The following RUNDC3B variants were observed in gnomAD, a reference collection of about 807,000 sequenced individuals.
RUNDC3B encodes RUN domain containing 3B, also known as RUN domain-containing protein 3B.
Under a neutral mutation model 58.4 loss-of-function variants are expected in RUNDC3B, and 33 were observed. The observed-to-expected ratio is 0.56, with a 90% CI of 0.43 to 0.75. RUNDC3B has a LOEUF of 0.75. RUNDC3B is among the 30% of genes least tolerant of loss of function. The probability of loss-of-function intolerance (pLI) is 0.00; values close to 1 mark genes in which losing one functional copy is unlikely to be tolerated. For missense variants in RUNDC3B, 501 were observed against 535.7 expected (o/e 0.94, Z 0.64); for synonymous variants, 193 against 195.2 (o/e 0.99, Z 0.10).
At position 87,742,647 on chromosome 7, in the gene RUNDC3B, T is replaced by A. The variant is rs977765700; in HGVS notation, c.629+1068T>A. 2.6e-5 allele frequency among the ~76,000 whole-genome samples: 4 copies of A among 152,140 alleles called. No homozygotes were observed. In the East Asian group the frequency reaches 7.7e-4, roughly 29 times the overall value. ...ATCATGGTTTTTTTAATTGAGAAAA[T>A]GAGCTTTTATTTGTCTATAATTTAT... On this transcript the variant is annotated intron_variant, in intron 6 of 10. Coordinates refer to ENST00000394654, the MANE Select transcript of RUNDC3B (RefSeq NM_001134405.2).
intron 1 of RUNDC3B, among the ~76,000 whole-genome samples, chr7:87,648,750 AT>A (rs1426235270): frequency 6.6e-6 from 1 of 152,132 alleles, no homozygotes; most frequent in African/African-American, 2.4e-5. Context: ...TTTGACAAAA[AT>A]TTATAAAGGT....
At chr7:87,825,697 G>A (rs1191957408) in intron 10 of RUNDC3B, among the ~76,000 whole-genome samples, 4 of 152,186 alleles carry the variant, frequency 2.6e-5, no homozygotes, top group East Asian at 3.9e-4. Context: ...AGCCGGAAGC[G>A]AGGCTGTACT....
In RUNDC3B at chr7:87,803,324, G is replaced by A. The variant is rs117332166; in HGVS notation, c.957-4049G>A. Among the ~76,000 whole-genome samples the A allele has an allele frequency of 1.0e-3, 154 of 152,138 alleles. 4 individuals are homozygous for A. The East Asian group carries it at 0.028, about 28-fold the overall frequency. ...CTCCATTTTTCAGTTGAGAAGTTTT[G>A]GGTTTATAAATCCACAGTATTTTGA... On this transcript the variant is annotated intron_variant, in intron 8 of 10. Transcript: ENST00000394654.
intron 4 of RUNDC3B, among the ~76,000 whole-genome samples, chr7:87,719,132 TAAAATC>T (rs1191129397): frequency 2.0e-5 from 3 of 151,390 alleles, no homozygotes; most frequent in Non-Finnish European, 4.4e-5. Flanking sequence ...TAATAACACA[TAAAATC>T]AATATTCAAC....
At chr7:87,675,653 C>CAAAAAAAAAAAAA (rs200136132) in intron 2 of RUNDC3B, among the ~76,000 whole-genome samples, 4 of 65,842 alleles carry the variant, frequency 6.1e-5, no homozygotes, top group South Asian at 1.0e-3. Flanking sequence ...TATTCACATG[C>CAAAAAAAAAAAAA]AAAAAAAAAA....
intron 1 of RUNDC3B, among the ~76,000 whole-genome samples, chr7:87,638,327 AAGTT>A (rs1251909078): frequency 6.8e-6 from 1 of 146,212 alleles, no homozygotes; most frequent in Non-Finnish European, 1.5e-5. Flanking sequence ...TTTATAAAAC[AAGTT>A]AGGAAGTATG....
chr7:87,661,061 CTTTA>C (rs913962116), intron 2 of RUNDC3B, among the ~76,000 whole-genome samples: 12 of 151,516 alleles, frequency 7.9e-5, no homozygotes, highest in Admixed American at 3.9e-4. Flanking sequence ...CATTTTTTGG[CTTTA>C]TTTATTGATA....
At chr7:87,684,630 C>T (rs1025055388) in intron 2 of RUNDC3B, among the ~76,000 whole-genome samples, 4 of 151,534 alleles carry the variant, frequency 2.6e-5, no homozygotes, top group Admixed American at 1.3e-4. Flanking sequence ...TGCCTGTAGC[C>T]CCAGCTACGC....
At chr7:87,707,174 T>A (rs1451657201) in intron 3 of RUNDC3B, among the ~76,000 whole-genome samples, 9 of 152,126 alleles carry the variant, frequency 5.9e-5, no homozygotes, top group African/African-American at 2.2e-4. Flanking sequence ...TCATACAGAA[T>A]GTCTAGTATA....
rs549626095 is a variant in RUNDC3B, at chr7:87,757,638, A to G, written c.630-12943A>G. On this transcript the variant is annotated intron_variant, in intron 6 of 10. Coordinates refer to ENST00000394654, the MANE Select transcript of RUNDC3B (RefSeq NM_001134405.2). ...TATTTGCTGTCAAAATACCAATGAC[A>G]TTCTTCACAGAAATAGAAAAAATTA... is the stretch of plus-strand genomic sequence containing the variant. Among the ~76,000 whole-genome samples the G allele has an allele frequency of 2.0e-5, 3 of 152,304 alleles. No individual in the cohort carries two copies. The East Asian group carries it at 5.8e-4, about 29-fold the overall frequency.
In RUNDC3B at chr7:87,727,545, G is replaced by A. The variant is rs545915769; in HGVS notation, c.459-12246G>A. ...GTTAAGTTATTCATTTTTATGAGTA[G>A]GCAAATTAAATACCTGATTGCATGC... On this transcript the variant is annotated intron_variant, in intron 4 of 10. Transcript: ENST00000394654. Among the ~76,000 whole-genome samples, 14 of 151,932 alleles carry A rather than the reference G, an allele frequency of 9.2e-5. 1 individual carries two copies. Among genetic ancestry groups the A allele is most frequent in the African/African-American group, 3.1e-4 (13 of 41,430 alleles).
chr7:87,828,634 C>A (rs1000141390), intron 10 of RUNDC3B, among the ~76,000 whole-genome samples: 1 of 152,068 alleles, frequency 6.6e-6, no homozygotes. Context: ...CTGATGGGCT[C>A]CTAGGTTGAT....
intron 2 of RUNDC3B, among the ~76,000 whole-genome samples, chr7:87,651,435 G>A (rs1275857967): frequency 1.3e-5 from 2 of 151,946 alleles, no homozygotes; most frequent in Admixed American, 1.3e-4. Context: ...ACAATTTAAA[G>A]GGGAACTTGG....
At chr7:87,660,743 T>G (rs1001626742) in intron 2 of RUNDC3B, among the ~76,000 whole-genome samples, 1 of 151,980 alleles carries the variant, frequency 6.6e-6, no homozygotes, top group Non-Finnish European at 1.5e-5. Flanking sequence ...TTGGCTAAAT[T>G]TATGTTTGAG....
At chr7:87,798,135 C>G (rs1457481681) in intron 8 of RUNDC3B, among the ~76,000 whole-genome samples, 6 of 152,220 alleles carry the variant, frequency 3.9e-5, no homozygotes, top group Non-Finnish European at 5.9e-5. Context: ...TCAACCCCAG[C>G]ATCCTCAACC....
At chr7:87,706,338 C>G (rs1006906602) in intron 3 of RUNDC3B, among the ~76,000 whole-genome samples, 1 of 151,750 alleles carries the variant, frequency 6.6e-6, no homozygotes, top group Admixed American at 6.6e-5. Flanking sequence ...TTTATAAGAT[C>G]AGCTTGGTGC....
At chr7:87,696,028 C>T (rs965605416) in intron 2 of RUNDC3B, among the ~76,000 whole-genome samples, 2 of 152,060 alleles carry the variant, frequency 1.3e-5, no homozygotes, top group African/African-American at 4.8e-5. Flanking sequence ...CCATTTGTTT[C>T]TGTGCCTAAA....
intron 2 of RUNDC3B, among the ~76,000 whole-genome samples, chr7:87,672,247 A>T (rs1419289697): frequency 2.0e-5 from 3 of 152,190 alleles, no homozygotes; most frequent in Non-Finnish European, 4.4e-5. Context: ...GTACCTGCTT[A>T]AAGTAGCAGT....
chr7:87,797,672 G>T (rs1835888798), intron 8 of RUNDC3B, among the ~76,000 whole-genome samples: 1 of 152,146 alleles, frequency 6.6e-6, no homozygotes, highest in South Asian at 2.1e-4. Flanking sequence ...TCCCTCGTCA[G>T]TTAGGGTTTT....
Sources: allele counts gnomAD v4.1 joint callset (sites outside exome capture counted in the v4.1 genomes callset), GRCh38; gene constraint gnomAD v4.1.1; transcripts MANE v1.5; gene names NCBI Gene and HGNC (gene_info 2026-07-23, HGNC 2026-07-21).